Variants in TMOD3 observed in about 807,000 individuals in gnomAD.
The protein encoded by TMOD3 is tropomodulin 3, also known as tropomodulin-3.
Under a neutral mutation model 39.2 loss-of-function variants are expected in TMOD3, and 20 were observed. That is an observed-to-expected ratio of 0.51 (90% CI 0.36 to 0.74). TMOD3 has a LOEUF of 0.74. Among genes scored for constraint, TMOD3 ranks in the 30% least tolerant of loss-of-function variants. The pLI, the probability that TMOD3 is intolerant of heterozygous loss-of-function variation, is 0.00. For synonymous variants in TMOD3, 143 were observed against 145.8 expected (o/e 0.98, Z 0.14); for missense variants, 381 against 412.8 (o/e 0.92, Z 0.67).
chr15:51,859,392 A>T (rs564452562), intron 1 of TMOD3: 1 of 685,494 alleles, frequency 1.5e-6, no homozygotes, highest in African/African-American at 1.8e-5. Context: ...ATATTCTCTT[A>T]ATGTTCACCA....
chr15:51,894,604 A>G (rs2056611862), intron 6 of TMOD3, among the ~76,000 whole-genome samples: 1 of 152,108 alleles, frequency 6.6e-6, no homozygotes, highest in South Asian at 2.1e-4. Context: ...GCCCCTGACA[A>G]CCACTGACCT....
intron 9 of TMOD3, among the ~76,000 whole-genome samples, chr15:51,903,071 A>T (rs1480074963): frequency 6.6e-6 from 1 of 152,176 alleles, no homozygotes; most frequent in African/African-American, 2.4e-5. Context: ...GGCGTGAGCC[A>T]CCGCACCTGG....
At chr15:51,898,533 C>T (rs1416574453) in intron 7 of TMOD3, among the ~76,000 whole-genome samples, 3 of 152,152 alleles carry the variant, frequency 2.0e-5, no homozygotes, top group Non-Finnish European at 4.4e-5. Context: ...ATCTCTGAAT[C>T]TCTAGGACAG....
intron 5 of TMOD3, among the ~76,000 whole-genome samples, chr15:51,889,882 T>A (rs1269189165): frequency 1.3e-5 from 2 of 152,008 alleles, no homozygotes; most frequent in Non-Finnish European, 2.9e-5. Flanking sequence ...AATTCATGTA[T>A]AGGGTGTTCT....
At chr15:51,874,085 G>A (rs1289232337) in intron 3 of TMOD3, among the ~76,000 whole-genome samples, 1 of 152,052 alleles carries the variant, frequency 6.6e-6, no homozygotes, top group Non-Finnish European at 1.5e-5. Context: ...ACACATAACT[G>A]GCCAGGACAG....
In TMOD3 at chr15:51,834,510, G is replaced by A. The variant is rs149601933; in HGVS notation, c.-75+4674G>A. Among the ~76,000 whole-genome samples the A allele has an allele frequency of 6.2e-3, 937 of 152,176 alleles. 9 individuals carry two copies. Among genetic ancestry groups the A allele is most frequent in the African/African-American group, 0.022 (899 of 41,518 alleles). On this transcript the variant is annotated intron_variant, in intron 1 of 9. Transcript: ENST00000308580. ...TTTCCACCTATATAGATATCTAGTT[G>A]TTCCAGCAACATAGGTTTAAGAAAA...
chr15:51,848,884 A>C (rs751370875), intron 1 of TMOD3, among the ~76,000 whole-genome samples: 13 of 152,244 alleles, frequency 8.5e-5, no homozygotes, highest in Non-Finnish European at 1.3e-4. Context: ...TAAGAAGAGC[A>C]GGCCAATTTC....
chr15:51,893,992 A>T, intron 6 of TMOD3, 47 bp downstream of exon 6: 2 of 1,477,910 alleles, frequency 1.4e-6, no homozygotes, highest in African/African-American at 2.8e-5. Flanking sequence ...GAGTTAGTTG[A>T]ACCTAGGATG....
chr15:51,830,630 G>A (rs1367445961), intron 1 of TMOD3, among the ~76,000 whole-genome samples: 2 of 152,156 alleles, frequency 1.3e-5, no homozygotes, highest in African/African-American at 2.4e-5. Context: ...TACCCCAGGA[G>A]GCCATACTTC....
intron 1 of TMOD3, among the ~76,000 whole-genome samples, chr15:51,834,648 T>C (rs1157800888): frequency 6.6e-6 from 1 of 152,114 alleles, no homozygotes; most frequent in East Asian, 1.9e-4. Flanking sequence ...CTGGGCAACA[T>C]GACAAAACCA....
intron 1 of TMOD3, among the ~76,000 whole-genome samples, chr15:51,847,058 A>G (rs2056339531): frequency 6.6e-6 from 1 of 152,118 alleles, no homozygotes; most frequent in Admixed American, 6.5e-5. Context: ...CAGAACTGGG[A>G]GCTGGTTTGC....
At chr15:51,904,369 A>G (rs2056667333) in intron 9 of TMOD3, among the ~76,000 whole-genome samples, 1 of 152,212 alleles carries the variant, frequency 6.6e-6, no homozygotes, top group African/African-American at 2.4e-5. Flanking sequence ...CAACTCTTTT[A>G]AAACCATGCC....
chr15:51,862,729 C>A, intron 1 of TMOD3, 82 bp from the exon 2 acceptor site: 1 of 554,084 alleles, frequency 1.8e-6, no homozygotes. Context: ...ATGGAAATTA[C>A]ATTTCACTTA....
At chr15:51,900,467 A>G (rs867344599) in intron 8 of TMOD3, among the ~76,000 whole-genome samples, 169 bp downstream of exon 8, 2 of 152,206 alleles carry the variant, frequency 1.3e-5, no homozygotes, top group South Asian at 2.1e-4. Context: ...AACTCAGTGT[A>G]TATAACAGTG....
chr15:51,895,140 C>T (rs1218519038), intron 6 of TMOD3, among the ~76,000 whole-genome samples: 2 of 151,894 alleles, frequency 1.3e-5, no homozygotes, highest in African/African-American at 4.8e-5. Context: ...TTCTGTGCTC[C>T]TCTAGGGAGT....
At chr15:51,830,350 A>C (rs2056248334) in intron 1 of TMOD3, among the ~76,000 whole-genome samples, 1 of 152,200 alleles carries the variant, frequency 6.6e-6, no homozygotes, top group African/African-American at 2.4e-5. Flanking sequence ...TCTTAGAATT[A>C]AGTTCCTAGC....
At chr15:51,869,794 A>T (rs1221563468) in intron 3 of TMOD3, among the ~76,000 whole-genome samples, 1 of 152,172 alleles carries the variant, frequency 6.6e-6, no homozygotes, top group African/African-American at 2.4e-5. Flanking sequence ...TTCTATACCC[A>T]TCATTATTAA....
chr15:51,893,859 C>T lies in TMOD3; in HGVS notation c.541C>T (p.Pro181Ser), dbSNP rs1323384865. Residue 181 changes from proline (P) to serine (S), a missense_variant, in exon 6 of 10, where the codon CCA (proline) becomes TCA (serine). Physicochemically the swap from Pro to Ser is moderately conservative, Grantham distance 74. Coordinates refer to ENST00000308580, the MANE Select transcript of TMOD3 (RefSeq NM_014547.5). Reference protein sequence around the residue: ...EKILPVFDEPPNPTNVEESLK... With the variant: ...EKILPVFDEPSNPTNVEESLK... ...GATTCTTCCGGTATTTGATGAGCCA[C>T]CAAATCCAACCAATGTAGAAGAGAG... 6.2e-7 allele frequency: 1 copy of T among 1,609,136 alleles called. No homozygotes were observed. The highest frequency in any genetic ancestry group is 1.7e-5 in the Admixed American group (1 of 59,638).
At chr15:51,855,741 A>G (rs2056384471) in intron 1 of TMOD3, among the ~76,000 whole-genome samples, 1 of 152,220 alleles carries the variant, frequency 6.6e-6, no homozygotes, top group South Asian at 2.1e-4. Flanking sequence ...CCTCTTCTAG[A>G]AGGCAGATGT....
Sources: gnomAD v4.1 joint callset for allele counts (sites outside exome capture counted in the v4.1 genomes callset) on GRCh38, gnomAD v4.1.1 for gene constraint, MANE v1.5 for transcripts, NCBI Gene and HGNC (gene_info 2026-07-23, HGNC 2026-07-21) for gene names.